Variants in GPD2 observed in about 807,000 individuals in gnomAD.
The protein encoded by GPD2 is glycerol-3-phosphate dehydrogenase, mitochondrial.
Under a neutral mutation model 82.4 loss-of-function variants are expected in GPD2, and 54 were observed. That is an observed-to-expected ratio of 0.66 (90% CI 0.53 to 0.82). The LOEUF (loss-of-function observed/expected upper bound fraction) is 0.82. Ranked by LOEUF, GPD2 falls within the 40% of genes least tolerant of loss-of-function variation. The pLI is 0.00. For missense variants in GPD2, 748 were observed against 896.2 expected (o/e 0.83, Z 2.11); for synonymous variants, 288 against 306.1 (o/e 0.94, Z 0.62).
At chr2:156,581,949 ATG>A (rs1048330215) in intron 16 of GPD2, among the ~76,000 whole-genome samples, 26 of 151,498 alleles carry the variant, frequency 1.7e-4, no homozygotes, top group Non-Finnish European at 3.1e-4. Flanking sequence ...TATATATATA[ATG>A]TGTGTGTGTG....
At chr2:156,533,337 T>C (rs894775780) in intron 6 of GPD2, among the ~76,000 whole-genome samples, 1 of 152,230 alleles carries the variant, frequency 6.6e-6, no homozygotes, top group African/African-American at 2.4e-5. Context: ...CTATGAGCTA[T>C]GAGTTCTCGA....
intron 6 of GPD2, among the ~76,000 whole-genome samples, chr2:156,537,512 A>G (rs1364282953): frequency 6.6e-6 from 1 of 152,234 alleles, no homozygotes; most frequent in Non-Finnish European, 1.5e-5. Flanking sequence ...AGTTGAAAGT[A>G]AAACTAAGTC....
the GPD2 span, among the ~76,000 whole-genome samples, chr2:156,413,778 C>T: frequency 6.6e-6 from 1 of 151,822 alleles, no homozygotes; most frequent in Non-Finnish European, 1.5e-5. Context: ...GTGGCGCATG[C>T]CTGTAATCCC....
At chr2:156,505,404 C>T (rs1437694364) in intron 3 of GPD2, among the ~76,000 whole-genome samples, 7 of 152,110 alleles carry the variant, frequency 4.6e-5, no homozygotes, top group Admixed American at 1.3e-4. Flanking sequence ...CCCAGACTAC[C>T]TACTAAAAGT....
At chr2:156,511,653 T>G (rs1438671951) in intron 4 of GPD2, among the ~76,000 whole-genome samples, 1 of 152,238 alleles carries the variant, frequency 6.6e-6, no homozygotes, top group Non-Finnish European at 1.5e-5. Context: ...TTGTGATGTG[T>G]TCAGGCTTAT....
chr2:156,466,551 T>A (rs1558912492), intron 1 of GPD2, among the ~76,000 whole-genome samples: 1 of 152,240 alleles, frequency 6.6e-6, no homozygotes, highest in Non-Finnish European at 1.5e-5. Flanking sequence ...AAATGGCATA[T>A]ATTTTGTAAA....
At chr2:156,580,810 G>A (rs140820037) in intron 16 of GPD2, among the ~76,000 whole-genome samples, 265 of 152,254 alleles carry the variant, frequency 1.7e-3, no homozygotes, top group African/African-American at 6.2e-3. Flanking sequence ...AAAAAAGAAT[G>A]TTTGGTTCTT....
intron 5 of GPD2, among the ~76,000 whole-genome samples, chr2:156,512,954 G>A (rs1342930917): frequency 6.6e-6 from 1 of 152,094 alleles, no homozygotes; most frequent in African/African-American, 2.4e-5. Flanking sequence ...AGATCGCTTA[G>A]GACTTCCTGA....
chr2:156,500,079 T>A (rs912623808), intron 3 of GPD2, among the ~76,000 whole-genome samples: 1 of 152,236 alleles, frequency 6.6e-6, no homozygotes, highest in South Asian at 2.1e-4. Flanking sequence ...GTTAAGAGTT[T>A]CCAGAGCCTG....
At chr2:156,451,811 G>C (rs1298541376) in intron 1 of GPD2, among the ~76,000 whole-genome samples, 2 of 151,880 alleles carry the variant, frequency 1.3e-5, no homozygotes, top group African/African-American at 2.4e-5. Context: ...TTCCCAGACG[G>C]GGTGGCTGCC....
chr2:156,432,887 C>A (rs559644461), upstream of GPD2, among the ~76,000 whole-genome samples: 17 of 152,126 alleles, frequency 1.1e-4, no homozygotes, highest in African/African-American at 3.9e-4. Context: ...GCCAATTGAC[C>A]CCACTCTCAT....
Position 156,548,823 on chromosome 2 carries a change from T to C in GPD2, c.662-785T>C, listed in dbSNP as rs372226372. On this transcript the variant is annotated intron_variant, in intron 6 of 16. Transcript: ENST00000438166. ...GGCACAGAGAACCTGGCCCCTGCAATGTAGAGTAATTCTTCCTGGTCAGCG... is the reference window on the plus strand; with the variant it reads ...GGCACAGAGAACCTGGCCCCTGCAACGTAGAGTAATTCTTCCTGGTCAGCG... 3.9e-5 allele frequency among the ~76,000 whole-genome samples: 6 copies of C among 152,160 alleles called. No homozygotes were observed. The East Asian group carries it at 5.8e-4, about 15-fold the overall frequency.
intron 4 of GPD2, among the ~76,000 whole-genome samples, chr2:156,511,379 T>C (rs1313301288): frequency 3.9e-5 from 6 of 152,222 alleles, no homozygotes. Flanking sequence ...TATGTCACAC[T>C]TTATTGTGTC....
intron 1 of GPD2, among the ~76,000 whole-genome samples, chr2:156,443,023 G>A (rs1682232129): frequency 6.6e-6 from 1 of 152,056 alleles, no homozygotes; most frequent in African/African-American, 2.4e-5. Context: ...CTATGATCCA[G>A]TCATATTGGA....
the GPD2 span, among the ~76,000 whole-genome samples, chr2:156,419,344 C>A: frequency 6.6e-6 from 1 of 152,156 alleles, no homozygotes; most frequent in Admixed American, 6.5e-5. Context: ...CAGGCGTGAG[C>A]CACCACGCCC....
chr2:156,444,221 T>A (rs915887404), intron 1 of GPD2, among the ~76,000 whole-genome samples: 5 of 152,194 alleles, frequency 3.3e-5, no homozygotes, highest in Admixed American at 3.3e-4. Context: ...GAGTTTGGGG[T>A]TTCCTTGCTC....
At chr2:156,451,359 A>G (rs1251385692) in intron 1 of GPD2, among the ~76,000 whole-genome samples, 1 of 142,744 alleles carries the variant, frequency 7.0e-6, no homozygotes, top group Non-Finnish European at 1.5e-5. Context: ...ACTTCCCAGT[A>G]GGGGCGGCTG....
At chr2:156,439,063 G>T (rs1430240689) in intron 1 of GPD2, among the ~76,000 whole-genome samples, 1 of 152,170 alleles carries the variant, frequency 6.6e-6, no homozygotes, top group Admixed American at 6.5e-5. Flanking sequence ...TTTGTTTTAG[G>T]AATGTTTGCT....
chr2:156,431,794 T>G (rs1225742116), upstream of GPD2, among the ~76,000 whole-genome samples: 1 of 152,176 alleles, frequency 6.6e-6, no homozygotes. Flanking sequence ...AAAGAAAAAT[T>G]TGTTATTATA....
Sources: gnomAD v4.1 joint callset for allele counts (sites outside exome capture counted in the v4.1 genomes callset) on GRCh38, gnomAD v4.1.1 for gene constraint, MANE v1.5 for transcripts, NCBI Gene and HGNC (gene_info 2026-07-23, HGNC 2026-07-21) for gene names.